CELF2: variants seen among roughly 807,000 people sequenced by gnomAD.
CELF2 encodes CUGBP Elav-like family member 2, also known as CUG triplet repeat RNA-binding protein 2.
In CELF2, 8 loss-of-function variants were observed where a neutral mutation model predicts 62.6. That is an observed-to-expected ratio of 0.13 (90% CI 0.07 to 0.23). The LOEUF (loss-of-function observed/expected upper bound fraction) is 0.23. CELF2 is among the 10% of genes least tolerant of loss of function. CELF2 has a pLI of 1.00. For synonymous variants in CELF2, 258 were observed against 250.0 expected (o/e 1.03, Z -0.30); for missense variants, 333 against 671.0 (o/e 0.50, Z 5.56).
At chr10:10,860,491 A>G (rs1299474619) in intron 1 of CELF2, among the ~76,000 whole-genome samples, 1 of 152,200 alleles carries the variant, frequency 6.6e-6, no homozygotes, top group Non-Finnish European at 1.5e-5. Context: ...ATGCAAAGTT[A>G]TCAAAAGTAT....
intron 4 of CELF2, among the ~76,000 whole-genome samples, chr10:11,256,288 C>CTGT (rs1201248706): frequency 6.6e-6 from 1 of 152,230 alleles, no homozygotes; most frequent in East Asian, 1.9e-4. Context: ...AGGAACCCAC[C>CTGT]TGTTACCAGT....
At chr10:11,239,715 T>C (rs1460194295) in intron 3 of CELF2, among the ~76,000 whole-genome samples, 3 of 152,208 alleles carry the variant, frequency 2.0e-5, no homozygotes, top group Non-Finnish European at 4.4e-5. Flanking sequence ...CACTTTTTTT[T>C]TTAAACTGGC....
chr10:10,647,133 T>G, the CELF2 span, among the ~76,000 whole-genome samples: 7 of 152,224 alleles, frequency 4.6e-5, no homozygotes, highest in Non-Finnish European at 7.3e-5. Flanking sequence ...CTGCCTTACA[T>G]AACTCACAGC....
intron 1 of CELF2, among the ~76,000 whole-genome samples, chr10:10,858,815 A>G (rs2059899490): frequency 6.6e-6 from 1 of 152,192 alleles, no homozygotes; most frequent in African/African-American, 2.4e-5. Context: ...AAATAACATT[A>G]TTCCTTTAGT....
At chr10:10,967,008 C>A (rs957465511) in intron 2 of CELF2, among the ~76,000 whole-genome samples, 12 of 152,184 alleles carry the variant, frequency 7.9e-5, no homozygotes, top group Non-Finnish European at 1.6e-4. Context: ...AAATTCTAGA[C>A]AAATTAAATT....
chr10:10,885,254 A>G (rs2061681798), intron 1 of CELF2, among the ~76,000 whole-genome samples: 1 of 151,958 alleles, frequency 6.6e-6, no homozygotes, highest in South Asian at 2.1e-4. Flanking sequence ...AAAAAAAAAC[A>G]AAAAAGATAA....
the CELF2 span, among the ~76,000 whole-genome samples, chr10:10,659,328 A>G: frequency 1.6e-3 from 246 of 152,336 alleles, 1 homozygote; most frequent in African/African-American, 5.6e-3. Context: ...CTTTAATAAA[A>G]TATTTATGTT....
At chr10:11,232,134 C>A (rs1232352671) in intron 3 of CELF2, among the ~76,000 whole-genome samples, 1 of 151,908 alleles carries the variant, frequency 6.6e-6, no homozygotes, top group Non-Finnish European at 1.5e-5. Flanking sequence ...TAATGCTATC[C>A]CTCCCCTCTC....
At chr10:11,063,957 A>T (rs988182884) in intron 1 of CELF2, among the ~76,000 whole-genome samples, 1 of 152,014 alleles carries the variant, frequency 6.6e-6, no homozygotes, top group African/African-American at 2.4e-5. Flanking sequence ...TAGCTCCTGG[A>T]GTGTGCTGTT....
chr10:10,668,959 A>AC, the CELF2 span, among the ~76,000 whole-genome samples: 2 of 152,186 alleles, frequency 1.3e-5, no homozygotes, highest in East Asian at 1.9e-4. Context: ...CCCTGACAAA[A>AC]AAACAAACAA....
At chr10:11,006,766 G>A (rs1262418102) in intron 1 of CELF2, among the ~76,000 whole-genome samples, 1 of 152,182 alleles carries the variant, frequency 6.6e-6, no homozygotes, top group African/African-American at 2.4e-5. Context: ...AAGTTGTGAA[G>A]TTCAAGGTCT....
chr10:11,239,642 T>C (rs892416008), intron 3 of CELF2, among the ~76,000 whole-genome samples: 12 of 152,226 alleles, frequency 7.9e-5, no homozygotes, highest in Admixed American at 1.3e-4. Flanking sequence ...TTTCCCCTGG[T>C]TGGGAGAAGG....
intron 1 of CELF2, among the ~76,000 whole-genome samples, chr10:11,087,624 T>C (rs923106545): frequency 1.3e-5 from 2 of 152,220 alleles, no homozygotes; most frequent in Non-Finnish European, 2.9e-5. Flanking sequence ...ACATCACATT[T>C]ATGACAGGAT....
chr10:11,114,483 A>G (rs115402344), intron 1 of CELF2, among the ~76,000 whole-genome samples: 4,097 of 152,308 alleles, frequency 0.027, 201 homozygotes, highest in African/African-American at 0.092. Context: ...CAAGCCACTT[A>G]ATGACTCTTT....
chr10:10,604,814 G>A, the CELF2 span, among the ~76,000 whole-genome samples: 7 of 152,110 alleles, frequency 4.6e-5, no homozygotes, highest in Admixed American at 6.5e-5. Context: ...TACTTTTGAT[G>A]TCTGTTCTTT....
chr10:10,599,887 A>G, the CELF2 span, among the ~76,000 whole-genome samples: 3 of 150,880 alleles, frequency 2.0e-5, no homozygotes, highest in Non-Finnish European at 4.4e-5. Context: ...GCCCGCCACC[A>G]CACCCGGCTA....
At chr10:11,197,017 A>AAGGAAGGAAGGAAGGAAGGAAGG in intron 2 of CELF2, among the ~76,000 whole-genome samples, 1 of 7,942 alleles carries the variant, frequency 1.3e-4, no homozygotes, top group South Asian at 2.1e-3. Context: ...AGAAAGAAAG[A>AAGGAAGGAAGGAAGGAAGGAAGG]AAGAAAGAAA....
chr10:11,188,029 G>A (rs958759517), intron 2 of CELF2, among the ~76,000 whole-genome samples: 2 of 152,076 alleles, frequency 1.3e-5, no homozygotes, highest in African/African-American at 4.8e-5. Context: ...CAATCATCTG[G>A]TGGTAAATCC....
At chr10:10,742,748 C>T in the CELF2 span, among the ~76,000 whole-genome samples, 1 of 152,200 alleles carries the variant, frequency 6.6e-6, no homozygotes, top group Admixed American at 6.5e-5. Flanking sequence ...GCCTGGCTGG[C>T]TAGCCAGCCT....
Sources: allele counts gnomAD v4.1 joint callset (sites outside exome capture counted in the v4.1 genomes callset), GRCh38; gene constraint gnomAD v4.1.1; transcripts MANE v1.5; gene names NCBI Gene and HGNC (gene_info 2026-07-23, HGNC 2026-07-21).